Variants in ANKRD16 observed in about 807,000 individuals in gnomAD.
The protein encoded by ANKRD16 is ankyrin repeat domain 16.
A neutral mutation model predicts 37.9 loss-of-function variants in ANKRD16; 35 were observed. The observed-to-expected ratio is 0.92, with a 90% CI of 0.71 to 1.23. The LOEUF is 1.23. ANKRD16 is among the 50% of genes most tolerant of loss of function. The pLI is 0.00. For synonymous variants in ANKRD16, 206 were observed against 197.2 expected (o/e 1.04, Z -0.37); for missense variants, 480 against 469.9 (o/e 1.02, Z -0.20).
In ANKRD16 at chr10:5,870,633, G is replaced by A. The variant is rs1842074220; in HGVS notation, c.*33+7464C>T. 1.3e-5 allele frequency among the ~76,000 whole-genome samples: 2 copies of A among 152,048 alleles called. No homozygotes were observed. On this transcript the variant is annotated intron_variant, in intron 7 of 7. Transcript: ENST00000380094. The surrounding 1 kb of genome is among the most constrained non-coding windows in gnomAD (Gnocchi z 5.0). Reference sequence around the variant, plus strand: ...CAGGCTGGTCTCAAGCCATCTGCCCGCCTTGGCCTCCCAAAGTGTTGGGAT... The same window carrying A: ...CAGGCTGGTCTCAAGCCATCTGCCCACCTTGGCCTCCCAAAGTGTTGGGAT...
chr10:5,871,715 C>T lies in ANKRD16; in HGVS notation c.*33+6382G>A, dbSNP rs1261981943. On this transcript the variant is annotated intron_variant, in intron 7 of 7. Transcript: ENST00000380094. The surrounding 1 kb of genome is among the most constrained non-coding windows in gnomAD (Gnocchi z 4.5). ...AGGGCTTCTAAGCCTACTTCCCACA[C>T]CTTCCGAAGAGCCTTATCCCACAGA... 6.6e-6 allele frequency among the ~76,000 whole-genome samples: 1 copy of T among 152,156 alleles called. No homozygotes were observed. The highest frequency in any genetic ancestry group is 1.5e-5 in the Non-Finnish European group (1 of 68,036).
rs564748749 is a variant in ANKRD16, at chr10:5,870,458, C to A, written c.*33+7639G>T. 2.0e-5 allele frequency among the ~76,000 whole-genome samples: 3 copies of A among 149,008 alleles called. No individual in the cohort carries two copies. The East Asian group carries it at 6.0e-4, about 30-fold the overall frequency. ...TTGCTCTGTCACCCAGGCTGGAATACAAAAGTGCAATCATAGCTCACTGCA... is the reference window on the plus strand; with the variant it reads ...TTGCTCTGTCACCCAGGCTGGAATAAAAAAGTGCAATCATAGCTCACTGCA... On this transcript the variant is annotated intron_variant, in intron 7 of 7. Coordinates refer to ENST00000380094, the MANE Select transcript of ANKRD16 (RefSeq NM_019046.3). The surrounding 1 kb of genome is among the most constrained non-coding windows in gnomAD (Gnocchi z 5.0).
Position 5,878,280 on chromosome 10 carries a change from A to G in ANKRD16, c.936T>C (p.His312=). ...SKDEKNRSAL[H]LACAGQHLAC... is the part of the protein sequence containing the mutation. ...CCAAGTGCTGACCTGCACAGGCCAG[A>G]TGCAGGGCTGAGGGGTGACAAAAAT... is the stretch of plus-strand genomic sequence containing the variant. The change falls in exon 7 of 8, where the codon CAT becomes CAC. Residue 312 remains histidine, a synonymous_variant. Coordinates refer to ENST00000380094, the MANE Select transcript of ANKRD16 (RefSeq NM_019046.3). The surrounding 1 kb of genome is among the most constrained non-coding windows in gnomAD (Gnocchi z 5.1). 1 of 1,613,574 alleles carries G rather than the reference A, an allele frequency of 6.2e-7. No homozygotes were observed. Among genetic ancestry groups the G allele is most frequent in the Non-Finnish European group, 8.5e-7 (1 of 1,179,856 alleles).
intron 5 of ANKRD16, among the ~76,000 whole-genome samples, chr10:5,882,014 G>C (rs1245611559): frequency 2.0e-5 from 3 of 151,136 alleles, no homozygotes; most frequent in Admixed American, 6.6e-5. Flanking sequence ...CCCGTGATCC[G>C]CCCGCCTTGG....
At position 5,889,166 on chromosome 10, in the gene ANKRD16, G is replaced by A; in HGVS notation, c.189C>T (p.Asp63=). The A allele has an allele frequency of 6.3e-7, 1 of 1,598,500 alleles. No homozygotes were observed. The highest frequency in any genetic ancestry group is 8.5e-7 in the Non-Finnish European group (1 of 1,179,468). Residue 63 remains aspartate (D), a synonymous_variant, in exon 1 of 8, where the codon GAC becomes GAT. Transcript: ENST00000380094. ...TGTAGTCTCGGTTGGTGGCCTCGATGTCCATGCCCCAGGCCTCGGCCAGAT... is the reference window on the plus strand; with the variant it reads ...TGTAGTCTCGGTTGGTGGCCTCGATATCCATGCCCCAGGCCTCGGCCAGAT... ...LAYLAEAWGM[D]IEATNRDYKR... is the part of the protein sequence containing the mutation.
At chr10:5,886,262 A>AG (rs975571808) in intron 2 of ANKRD16, among the ~76,000 whole-genome samples, 19 of 150,632 alleles carry the variant, frequency 1.3e-4, no homozygotes, top group African/African-American at 4.2e-4. Context: ...GCTAAAAAAA[A>AG]GTTTTCTACT....
chr10:5,877,269 C>G (rs893353106), intron 7 of ANKRD16, among the ~76,000 whole-genome samples: 1 of 152,222 alleles, frequency 6.6e-6, no homozygotes, highest in Non-Finnish European at 1.5e-5. Flanking sequence ...TGCACCAGCA[C>G]AGCTGGCTAA....
At chr10:5,882,700 G>A (rs1416996423) in intron 5 of ANKRD16, 2 of 194,384 alleles carry the variant, frequency 1.0e-5, no homozygotes, top group South Asian at 1.1e-4. Flanking sequence ...AGAGAGCCAG[G>A]AATTTCATAC....
At chr10:5,879,799 T>C (rs79364286) in intron 6 of ANKRD16, among the ~76,000 whole-genome samples, 1 of 151,784 alleles carries the variant, frequency 6.6e-6, no homozygotes, top group Non-Finnish European at 1.5e-5. Context: ...ACTGTTATAA[T>C]AACAATTATA....
chr10:5,889,173 C>T lies in ANKRD16; in HGVS notation c.182G>A (p.Gly61Asp), dbSNP rs751861747. The T allele has an allele frequency of 8.8e-6, 14 of 1,598,186 alleles. No individual in the cohort carries two copies. Among genetic ancestry groups the T allele is most frequent in the Non-Finnish European group, 1.1e-5 (13 of 1,179,432 alleles). Residue 61 changes from glycine to aspartate, a missense_variant, in exon 1 of 8, where the codon GGC becomes GAC. Physicochemically the swap from Gly to Asp is moderately conservative, Grantham distance 94. Coordinates refer to ENST00000380094, the MANE Select transcript of ANKRD16 (RefSeq NM_019046.3). ...DVLAYLAEAW[G>D]MDIEATNRDY... ...TCGGTTGGTGGCCTCGATGTCCATG[C>T]CCCAGGCCTCGGCCAGATAGGCCAG...
chr10:5,873,081 G>A (rs1221189807), intron 7 of ANKRD16, among the ~76,000 whole-genome samples: 1 of 148,942 alleles, frequency 6.7e-6, no homozygotes, highest in Middle Eastern at 3.2e-3. Flanking sequence ...CCAGGCTGGA[G>A]TGCAGTGACA....
chr10:5,867,364 G>A (rs1417699084), intron 7 of ANKRD16, among the ~76,000 whole-genome samples: 1 of 152,190 alleles, frequency 6.6e-6, no homozygotes, highest in African/African-American at 2.4e-5. Flanking sequence ...TAAGTGATAA[G>A]GAAACTCTTG....
chr10:5,880,392 T>A lies in ANKRD16; in HGVS notation c.850-16A>T, dbSNP rs1842277160. ...TATGTCCTTCCTGAATTGAAACAAATTTGTTATCACTGTGATGAGGATAAA... is the reference window on the plus strand; with the variant it reads ...TATGTCCTTCCTGAATTGAAACAAAATTGTTATCACTGTGATGAGGATAAA... On this transcript the variant is annotated splice_polypyrimidine_tract_variant and intron_variant, in intron 5 of 7. Transcript: ENST00000380094. 3 of 1,549,294 alleles carry A rather than the reference T, an allele frequency of 1.9e-6. No individual in the cohort carries two copies. In the African/African-American group the frequency reaches 4.1e-5, roughly 21 times the overall value.
rs764500682 is a variant in ANKRD16, at chr10:5,878,151, A to C, written c.1065T>G (p.Ser355=). The C allele has an allele frequency of 1.2e-6, 2 of 1,614,188 alleles. No individual in the cohort carries two copies. The highest frequency in any genetic ancestry group is 2.2e-5 in the South Asian group (2 of 91,078). ...ATCCTTATGTCATTGCGCTATGGCC[A>C]GAGCCCTGAAGGACATCTGCTCTCC... is the stretch of plus-strand genomic sequence containing the variant. ...LPRRADVLQG[S]GHSAMT is the part of the protein sequence containing the mutation. The change falls in exon 7 of 8, where the codon TCT becomes TCG. Residue 355 remains serine, a synonymous_variant. Transcript: ENST00000380094. This position sits in a 1 kb window ranked among gnomAD's most constrained non-coding sequence, Gnocchi z 5.1.
chr10:5,881,155 TAAATA>T (rs1235199962), intron 5 of ANKRD16: 8 of 796,900 alleles, frequency 1.0e-5, no homozygotes, highest in Non-Finnish European at 1.1e-5. Flanking sequence ...TATAAATCAT[TAAATA>T]AATATTTTGG....
chr10:5,871,955 T>C lies in ANKRD16; in HGVS notation c.*33+6142A>G, dbSNP rs1319643024. Reference sequence around the variant, plus strand: ...AGCCCATATCTCCCACCCACTCGCATGGCCCAACCTCCAGTGATCAAATCC... The same window carrying C: ...AGCCCATATCTCCCACCCACTCGCACGGCCCAACCTCCAGTGATCAAATCC... On this transcript the variant is annotated intron_variant, in intron 7 of 7. Transcript: ENST00000380094. This position sits in a 1 kb window ranked among gnomAD's most constrained non-coding sequence, Gnocchi z 4.5. Among the ~76,000 whole-genome samples, 1 of 152,124 alleles carries C rather than the reference T, an allele frequency of 6.6e-6. No individual in the cohort carries two copies. Among genetic ancestry groups the C allele is most frequent in the African/African-American group, 2.4e-5 (1 of 41,414 alleles).
chr10:5,868,184 A>G lies in ANKRD16; in HGVS notation c.*34-5493T>C, dbSNP rs1842042391. 6.6e-6 allele frequency among the ~76,000 whole-genome samples: 1 copy of G among 152,164 alleles called. No homozygotes were observed. Among genetic ancestry groups the G allele is most frequent in the Admixed American group, 6.5e-5 (1 of 15,276 alleles). On this transcript the variant is annotated intron_variant, in intron 7 of 7. Coordinates refer to ENST00000380094, the MANE Select transcript of ANKRD16 (RefSeq NM_019046.3). This position sits in a 1 kb window ranked among gnomAD's most constrained non-coding sequence, Gnocchi z 4.9. ...TGTTTCCTCTAGGATCGAGGCCATC[A>G]AGCTACAGATGGTCTTACAAATGGA...
In ANKRD16 at chr10:5,880,332, A is replaced by G. The variant is rs1162818853; in HGVS notation, c.894T>C (p.Ala298=). 1.9e-6 allele frequency: 3 copies of G among 1,604,396 alleles called. No individual in the cohort carries two copies. Among genetic ancestry groups the G allele is most frequent in the African/African-American group, 2.7e-5 (2 of 74,414 alleles). The change falls in exon 6 of 8, where the codon GCT becomes GCC. Residue 298 remains alanine, a synonymous_variant. Transcript: ENST00000380094. ...STIQTLLSLG[A]DINSKDEKNR... is the part of the protein sequence containing the mutation. ...TTTTTTCATCTTTAGAATTGATGTC[A>G]GCTCCCAAGGATAAGAGAGTCTGAA...
chr10:5,881,129 T>C (rs1842295700), intron 5 of ANKRD16: 1 of 903,830 alleles, frequency 1.1e-6, no homozygotes, highest in African/African-American at 1.8e-5. Flanking sequence ...AGATATTGTA[T>C]CATTCTCAAT....
Sources: allele counts gnomAD v4.1 joint callset (sites outside exome capture counted in the v4.1 genomes callset), GRCh38; gene constraint gnomAD v4.1.1; non-coding constraint Gnocchi (gnomAD v3.1); transcripts MANE v1.5; gene names NCBI Gene and HGNC (gene_info 2026-07-23, HGNC 2026-07-21).